The following NCAM2 variants were observed in gnomAD, a reference collection of about 807,000 sequenced individuals.
The protein encoded by NCAM2 is neural cell adhesion molecule 2.
Under a neutral mutation model 98.1 loss-of-function variants are expected in NCAM2, and 30 were observed. That is an observed-to-expected ratio of 0.31 (90% CI 0.23 to 0.41). The LOEUF (loss-of-function observed/expected upper bound fraction) is 0.41. NCAM2 is among the 10% of genes least tolerant of loss of function. The pLI is 1.00. For missense variants in NCAM2, 867 were observed against 1,005.8 expected (o/e 0.86, Z 1.87); for synonymous variants, 368 against 342.4 (o/e 1.07, Z -0.83).
intron 1 of NCAM2, among the ~76,000 whole-genome samples, chr21:21,229,630 A>G (rs2070539576): frequency 6.6e-6 from 1 of 151,462 alleles, no homozygotes; most frequent in Non-Finnish European, 1.5e-5. Context: ...GCATTGTAAT[A>G]GTTGTCTTCC....
intron 1 of NCAM2, chr21:21,147,312 A>G (rs1176320167): frequency 4.8e-5 from 47 of 974,170 alleles, no homozygotes; most frequent in Non-Finnish European, 5.6e-5. Flanking sequence ...AAAAAAGACA[A>G]TTTATTTGTT....
At chr21:21,286,124 A>G (rs2073089524) in intron 3 of NCAM2, 145 bp from the exon 4 acceptor site, 2 of 856,818 alleles carry the variant, frequency 2.3e-6, no homozygotes, top group Admixed American at 6.0e-5. Flanking sequence ...GAAGTAGATT[A>G]TCTAGTTTAA....
At chr21:21,328,560 T>C (rs2074584355) in intron 6 of NCAM2, among the ~76,000 whole-genome samples, 1 of 149,410 alleles carries the variant, frequency 6.7e-6, no homozygotes, top group Admixed American at 6.7e-5. Flanking sequence ...CGGCCGAGGC[T>C]AATGGGGGTA....
chr21:21,021,771 A>G (rs936074457), intron 1 of NCAM2, among the ~76,000 whole-genome samples: 1 of 152,220 alleles, frequency 6.6e-6, no homozygotes, highest in Non-Finnish European at 1.5e-5. Context: ...ATGAACGACT[A>G]GTACAAAGAT....
chr21:21,429,576 C>T (rs1456672868), intron 11 of NCAM2, among the ~76,000 whole-genome samples: 1 of 152,162 alleles, frequency 6.6e-6, no homozygotes, highest in Non-Finnish European at 1.5e-5. Flanking sequence ...TTCTCCTATA[C>T]TTTGGATCAA....
chr21:21,104,620 C>A (rs541712895), intron 1 of NCAM2, among the ~76,000 whole-genome samples: 7 of 151,942 alleles, frequency 4.6e-5, no homozygotes, highest in Admixed American at 6.6e-5. Context: ...TAAGCTAATG[C>A]AAAGTTCCTA....
chr21:21,427,919 G>T (rs1483252366), intron 11 of NCAM2, among the ~76,000 whole-genome samples: 1 of 152,154 alleles, frequency 6.6e-6, no homozygotes. Flanking sequence ...GTATTCTAGG[G>T]TTTAAGTGCT....
At chr21:21,084,187 A>G (rs1286029385) in intron 1 of NCAM2, among the ~76,000 whole-genome samples, 1 of 152,138 alleles carries the variant, frequency 6.6e-6, no homozygotes, top group African/African-American at 2.4e-5. Context: ...AAGAGTGCTC[A>G]TCTCATTCAT....
At chr21:21,182,620 T>A (rs1221289610) in intron 1 of NCAM2, among the ~76,000 whole-genome samples, 2 of 152,224 alleles carry the variant, frequency 1.3e-5, no homozygotes, top group African/African-American at 4.8e-5. Flanking sequence ...TGTTTTGCTC[T>A]AGTTGAATTG....
At chr21:21,006,843 T>C (rs1398350426) in intron 1 of NCAM2, among the ~76,000 whole-genome samples, 4 of 152,220 alleles carry the variant, frequency 2.6e-5, no homozygotes, top group Non-Finnish European at 5.9e-5. Flanking sequence ...GGCTACACTG[T>C]GGATCATAGT....
At chr21:21,425,900 C>T (rs921521050) in intron 11 of NCAM2, among the ~76,000 whole-genome samples, 2 of 152,110 alleles carry the variant, frequency 1.3e-5, no homozygotes, top group Non-Finnish European at 2.9e-5. Flanking sequence ...ATATATTAGA[C>T]TCTGTAATGT....
chr21:21,476,068 C>T (rs1985127783), intron 14 of NCAM2, among the ~76,000 whole-genome samples: 1 of 151,982 alleles, frequency 6.6e-6, no homozygotes, highest in African/African-American at 2.4e-5. Flanking sequence ...TAATTGTCAC[C>T]AAAAATGGAG....
At chr21:21,226,291 AC>A (rs1839757031) in intron 1 of NCAM2, among the ~76,000 whole-genome samples, 1 of 151,946 alleles carries the variant, frequency 6.6e-6, no homozygotes, top group African/African-American at 2.4e-5. Context: ...CTGCACATAT[AC>A]CCCCAAATTT....
chr21:21,263,101 A>C (rs1182637638), intron 1 of NCAM2, among the ~76,000 whole-genome samples: 1 of 152,090 alleles, frequency 6.6e-6, no homozygotes, highest in Non-Finnish European at 1.5e-5. Context: ...TATACCTAGA[A>C]AACACTGATG....
chr21:21,142,955 C>T (rs2067200350), intron 1 of NCAM2, among the ~76,000 whole-genome samples: 1 of 152,126 alleles, frequency 6.6e-6, no homozygotes, highest in African/African-American at 2.4e-5. Flanking sequence ...TTCGAGGGAT[C>T]TCCCTCTATC....
intron 15 of NCAM2, among the ~76,000 whole-genome samples, chr21:21,479,211 T>A (rs1338094862): frequency 6.6e-6 from 1 of 152,052 alleles, no homozygotes; most frequent in Non-Finnish European, 1.5e-5. Context: ...TTTAATAACA[T>A]AGATAAAACA....
chr21:21,274,388 A>G (rs1223655489), intron 1 of NCAM2, among the ~76,000 whole-genome samples: 1 of 152,134 alleles, frequency 6.6e-6, no homozygotes, highest in African/African-American at 2.4e-5. Context: ...AATATTCATG[A>G]ATTCCTAAAA....
In NCAM2 at chr21:21,271,741, G is replaced by T. The variant is rs565358836; in HGVS notation, c.56-8837G>T. On this transcript the variant is annotated intron_variant, in intron 1 of 17. Transcript: ENST00000400546. ...ATAAATAAGGAACAAAATGTGAAAA[G>T]AAATAGAGTAATAAAAAAGTGGGGC... Among the ~76,000 whole-genome samples the T allele has an allele frequency of 3.9e-5, 6 of 152,248 alleles. No individual in the cohort carries two copies. In the East Asian group the frequency reaches 5.8e-4, roughly 15 times the overall value.
intron 1 of NCAM2, among the ~76,000 whole-genome samples, chr21:21,132,705 G>A (rs1459755475): frequency 6.6e-6 from 1 of 152,076 alleles, no homozygotes; most frequent in African/African-American, 2.4e-5. Context: ...TGTATTATCA[G>A]CATAGATAAA....
Sources: gnomAD v4.1 joint callset for allele counts (sites outside exome capture counted in the v4.1 genomes callset) on GRCh38, gnomAD v4.1.1 for gene constraint, MANE v1.5 for transcripts, NCBI Gene and HGNC (gene_info 2026-07-23, HGNC 2026-07-21) for gene names.